The following PDCL2 variants were observed in gnomAD, a reference collection of about 807,000 sequenced individuals.
PDCL2 encodes phosducin like 2.
Under a neutral mutation model 30.3 loss-of-function variants are expected in PDCL2, and 23 were observed. The observed-to-expected ratio is 0.76, with a 90% CI of 0.55 to 1.08. The LOEUF is 1.08. PDCL2 is among the 50% of genes least tolerant of loss of function. The pLI is 0.00. For missense variants in PDCL2, 243 were observed against 282.3 expected (o/e 0.86, Z 1.00); for synonymous variants, 68 against 86.2 (o/e 0.79, Z 1.17).
intron 3 of PDCL2, among the ~76,000 whole-genome samples, chr4:55,571,109 C>T (rs1051557190): frequency 2.6e-5 from 4 of 152,112 alleles, no homozygotes; most frequent in African/African-American, 7.2e-5. Context: ...TAGAGATAGC[C>T]TCTACAGCCC....
At chr4:55,590,586 A>C (rs1448849682) in intron 1 of PDCL2, among the ~76,000 whole-genome samples, 1 of 151,674 alleles carries the variant, frequency 6.6e-6, no homozygotes, top group Non-Finnish European at 1.5e-5. Context: ...TCCTGGGTTC[A>C]AGCGATTCTC....
intron 4 of PDCL2, among the ~76,000 whole-genome samples, chr4:55,569,020 G>C (rs1211980659): frequency 6.6e-6 from 1 of 151,968 alleles, no homozygotes. Flanking sequence ...CAAATTTGCT[G>C]TTCTTTTGTT....
intron 5 of PDCL2, among the ~76,000 whole-genome samples, chr4:55,557,982 G>A (rs991666817): frequency 2.6e-5 from 4 of 151,106 alleles, no homozygotes; most frequent in African/African-American, 9.7e-5. Flanking sequence ...TTAGCTGGGC[G>A]TGGTGGCAGG....
intron 1 of PDCL2, among the ~76,000 whole-genome samples, chr4:55,585,071 C>G (rs1422922742): frequency 6.6e-6 from 1 of 152,184 alleles, no homozygotes; most frequent in Non-Finnish European, 1.5e-5. Context: ...ATAAATCCCA[C>G]TTAATTGTGG....
intron 3 of PDCL2, among the ~76,000 whole-genome samples, chr4:55,571,618 C>A (rs1234524037): frequency 1.9e-5 from 1 of 54,030 alleles, no homozygotes; most frequent in African/African-American, 1.0e-4. Context: ...ACCCGGGAGG[C>A]GGAGGTTGCA....
chr4:55,556,573 T>C lies in PDCL2; in HGVS notation c.710A>G (p.Asp237Gly), dbSNP rs762110691. The change falls in exon 6 of 6, where the codon GAT becomes GGT. Residue 237 changes from aspartate to glycine, a missense_variant. Coordinates refer to ENST00000295645, the MANE Select transcript of PDCL2 (RefSeq NM_152401.3). ...TATTTCTCTCTATTTGGTATCATTA[T>C]CACTGTTGGAGCTATCACTGTCATC... ...IHDDSDSSNSDNDTK is the reference protein window; with the variant it reads ...IHDDSDSSNSGNDTK 3.2e-6 allele frequency: 5 copies of C among 1,557,552 alleles called. No homozygotes were observed. In the East Asian group the frequency reaches 9.2e-5, roughly 29 times the overall value.
rs144520322 is a variant in PDCL2, at chr4:55,581,147, T to C, written c.128-236A>G. Among the ~76,000 whole-genome samples, 105 of 151,952 alleles carry C rather than the reference T, an allele frequency of 6.9e-4. No individual in the cohort carries two copies. The East Asian group carries it at 0.018, about 26-fold the overall frequency. ...CTATCTCTACTAAAAATACAAAAAT[T>C]AGTCAGGTGTGGTGGCAGGCACCTG... On this transcript the variant is annotated intron_variant, in intron 2 of 5. Transcript: ENST00000295645.
intron 1 of PDCL2, among the ~76,000 whole-genome samples, chr4:55,591,506 C>G (rs1229908812): frequency 6.6e-6 from 1 of 152,210 alleles, no homozygotes; most frequent in Non-Finnish European, 1.5e-5. Context: ...CCTGCTTCAG[C>G]CTCCCAGGTA....
intron 3 of PDCL2, among the ~76,000 whole-genome samples, chr4:55,576,188 T>A (rs1432395500): frequency 2.0e-5 from 3 of 151,990 alleles, no homozygotes; most frequent in Non-Finnish European, 2.9e-5. Context: ...GCCTCCCAGG[T>A]TCAAGCAATT....
intron 5 of PDCL2, among the ~76,000 whole-genome samples, chr4:55,559,201 C>T (rs1732060882): frequency 6.6e-6 from 1 of 152,152 alleles, no homozygotes; most frequent in Admixed American, 6.5e-5. Context: ...ATTTACAGAG[C>T]AATCTATCAA....
chr4:55,577,477 T>G (rs1260543516), intron 3 of PDCL2, among the ~76,000 whole-genome samples: 1 of 152,168 alleles, frequency 6.6e-6, no homozygotes, highest in Non-Finnish European at 1.5e-5. Context: ...CAGGGAATAG[T>G]GTTAAAAGTT....
chr4:55,583,591 T>C (rs796173477), intron 1 of PDCL2, among the ~76,000 whole-genome samples: 11 of 152,314 alleles, frequency 7.2e-5, no homozygotes, highest in African/African-American at 2.4e-4. Flanking sequence ...AGTTGATTTT[T>C]ATAGATGGAG....
chr4:55,567,275 G>A (rs1160197482), intron 4 of PDCL2, among the ~76,000 whole-genome samples: 1 of 152,202 alleles, frequency 6.6e-6, no homozygotes, highest in Non-Finnish European at 1.5e-5. Flanking sequence ...GTTCACGCCT[G>A]TAATCTCAAT....
chr4:55,580,552 T>C (rs1174930746), intron 3 of PDCL2, among the ~76,000 whole-genome samples: 1 of 152,218 alleles, frequency 6.6e-6, no homozygotes, highest in African/African-American at 2.4e-5. Flanking sequence ...TGGCCTCTTA[T>C]TGCTATTTTC....
At chr4:55,575,395 T>G (rs145637825) in intron 3 of PDCL2, among the ~76,000 whole-genome samples, 97 of 146,200 alleles carry the variant, frequency 6.6e-4, no homozygotes, top group African/African-American at 2.3e-3. Context: ...GAAAAAAAAA[T>G]AAACAGGGCC....
chr4:55,583,050 A>C (rs1465741768), intron 1 of PDCL2, among the ~76,000 whole-genome samples: 3 of 152,066 alleles, frequency 2.0e-5, no homozygotes, highest in African/African-American at 4.8e-5. Flanking sequence ...ATCTTGGCTC[A>C]CTGCAACCTC....
rs139323579 is a variant in PDCL2 at position 55,568,399 on chromosome 4, G to A, written c.362+1319C>T. Among the ~76,000 whole-genome samples, 135 of 152,298 alleles carry A rather than the reference G, an allele frequency of 8.9e-4. 2 individuals carry two copies. The East Asian group carries it at 0.024, about 28-fold the overall frequency. The stretch of plus-strand genomic sequence containing the variant: ...CTTGGAGGAATGGGGGAGTGCAGGG[G>A]TGCAGGGAAATTGTTCTATTAGAAG... On this transcript the variant is annotated intron_variant, in intron 4 of 5. Coordinates refer to ENST00000295645, the MANE Select transcript of PDCL2 (RefSeq NM_152401.3).
chr4:55,557,198 A>T (rs1731993014), intron 5 of PDCL2, among the ~76,000 whole-genome samples: 1 of 152,244 alleles, frequency 6.6e-6, no homozygotes, highest in African/African-American at 2.4e-5. Flanking sequence ...TACACATTGG[A>T]TACAGCAAAG....
At chr4:55,562,050 TA>T (rs766129899) in intron 5 of PDCL2, among the ~76,000 whole-genome samples, 2 of 137,206 alleles carry the variant, frequency 1.5e-5, no homozygotes, top group Non-Finnish European at 3.4e-5. Flanking sequence ...AGAGAATGTG[TA>T]AAAAAAGTGT....
Sources: gnomAD v4.1 joint callset for allele counts (sites outside exome capture counted in the v4.1 genomes callset) on GRCh38, gnomAD v4.1.1 for gene constraint, MANE v1.5 for transcripts, NCBI Gene and HGNC (gene_info 2026-07-23, HGNC 2026-07-21) for gene names.